The following MAN2C1 variants were observed in gnomAD, a reference collection of about 807,000 sequenced individuals.
The protein encoded by MAN2C1 is alpha-mannosidase 2C1.
Under a neutral mutation model 126.9 loss-of-function variants are expected in MAN2C1, and 111 were observed. That is an observed-to-expected ratio of 0.87 (90% CI 0.75 to 1.02). MAN2C1 has a LOEUF of 1.02. Ranked by LOEUF, MAN2C1 falls within the 50% of genes least tolerant of loss-of-function variation. The pLI, the probability that MAN2C1 is intolerant of heterozygous loss-of-function variation, is 0.00. For synonymous variants in MAN2C1, 567 were observed against 561.5 expected (o/e 1.01, Z -0.14); for missense variants, 1,363 against 1,364.4 (o/e 1.00, Z 0.02).
In MAN2C1 at chr15:75,355,995, A is replaced by T. The variant is rs760490250; in HGVS notation, c.3034T>A (p.Leu1012Met). ...LLERPDPAGHLTLRDNRLKLT... is the reference protein window; with the variant it reads ...LLERPDPAGHMTLRDNRLKLT... ...TTCAGGCGGTTGTCCCGAAGGGTCAAGTGGCCAGCAGGGTCTGGTCGCTCC... is the reference window on the plus strand; with the variant it reads ...TTCAGGCGGTTGTCCCGAAGGGTCATGTGGCCAGCAGGGTCTGGTCGCTCC... The change falls in exon 26 of 26, where the codon TTG becomes ATG. Residue 1012 changes from leucine to methionine, a missense_variant. This residue lies in a region of MAN2C1 where 668 missense variants were observed against 650.1 expected (regional missense o/e 1.03). Transcript: ENST00000267978. 17 of 1,614,102 alleles carry T rather than the reference A, an allele frequency of 1.1e-5. No homozygotes were observed. Among genetic ancestry groups the T allele is most frequent in the Middle Eastern group, 1.6e-4 (1 of 6,062 alleles).
chr15:75,362,420 G>C lies in MAN2C1; in HGVS notation c.931C>G (p.Pro311Ala). 6.2e-7 allele frequency: 1 copy of C among 1,613,676 alleles called. No homozygotes were observed. Among genetic ancestry groups the C allele is most frequent in the Non-Finnish European group, 8.5e-7 (1 of 1,179,990 alleles). ...QQLEWVKSRY[P>A]GLYSRIQEFA... is the part of the protein sequence containing the mutation. ...TCCTGGATGCGGGAGTACAGGCCAG[G>C]GTAGCGGCTCTTCACCCATTCCAGC... The change falls in exon 8 of 26, where the codon CCT (proline) becomes GCT (alanine). Residue 311 changes from proline to alanine, a missense_variant. Around this residue, in one of 3 missense-constraint regions of MAN2C1, gnomAD observed 628 missense variants for 609.8 expected, o/e 1.03. Transcript: ENST00000267978. The surrounding 1 kb of genome is among the most constrained non-coding windows in gnomAD (Gnocchi z 4.5).
At chr15:75,359,220 A>T in intron 17 of MAN2C1, 67 bp from the exon 18 acceptor site, 2 of 1,425,988 alleles carry the variant, frequency 1.4e-6, no homozygotes, top group South Asian at 2.3e-5. Flanking sequence ...TTCCCACCCC[A>T]ACCCCAGCCC....
chr15:75,368,557 G>C lies in MAN2C1; in HGVS notation c.27C>G (p.His9Gln), dbSNP rs1328244785. 15 of 1,551,004 alleles carry C rather than the reference G, an allele frequency of 9.7e-6. No homozygotes were observed. The East Asian group carries it at 3.2e-4, about 33-fold the overall frequency. Residue 9 changes from histidine (H) to glutamine (Q), a missense_variant, in exon 1 of 26, where the codon CAC becomes CAG. Physicochemically the swap from His to Gln is conservative, Grantham distance 24 (BLOSUM62 0). Transcript: ENST00000267978. ...CCACCCGCTCCAGCGTGGTGCGCCA[G>C]TGCTTCAAGGCCGGCGCAGCCGCCA... MAAAPALK[H>Q]WRTTLERVEK...
chr15:75,362,085 C>T lies in MAN2C1; in HGVS notation c.1009-138G>A. On this transcript the variant is annotated intron_variant, in intron 8 of 25. Transcript: ENST00000267978. This position sits in a 1 kb window ranked among gnomAD's most constrained non-coding sequence, Gnocchi z 4.5. ...GTTACAGCCAGAACTCAGGAAGGGCCCCTGTCCTTCAGGCCTGACTGTCCA... is the reference window on the plus strand; with the variant it reads ...GTTACAGCCAGAACTCAGGAAGGGCTCCTGTCCTTCAGGCCTGACTGTCCA... The T allele has an allele frequency of 1.4e-6, 1 of 723,406 alleles. No homozygotes were observed. The highest frequency in any genetic ancestry group is 1.7e-5 in the African/African-American group (1 of 57,292). 44.8% of individuals were successfully genotyped at this position (723,406 alleles called of 1,614,324 possible).
rs1450812969 is a variant in MAN2C1 at position 75,366,545 on chromosome 15, C to T, written c.399G>A (p.Arg133=). ...ACCTTCGGGGGTCTCTTTCCCCCAGCCTGTCAGTCAGGACATAGCTGGTCT... is the reference window on the plus strand; with the variant it reads ...ACCTTCGGGGGTCTCTTTCCCCCAGTCTGTCAGTCAGGACATAGCTGGTCT... ...GEKTSYVLTD[R]LGERDPRSLT... Residue 133 remains arginine, a synonymous_variant, in exon 4 of 26, where the codon AGG becomes AGA. Coordinates refer to ENST00000267978, the MANE Select transcript of MAN2C1 (RefSeq NM_006715.4). 1.2e-6 allele frequency: 2 copies of T among 1,613,624 alleles called. No homozygotes were observed. The highest frequency in any genetic ancestry group is 2.2e-5 in the South Asian group (2 of 90,940).
chr15:75,364,895 C>A (rs905688028), intron 4 of MAN2C1, among the ~76,000 whole-genome samples: 1 of 152,234 alleles, frequency 6.6e-6, no homozygotes, highest in Non-Finnish European at 1.5e-5. Context: ...AAGTTTGGAA[C>A]CATGTAAAGT....
At chr15:75,363,207 T>C (rs2072510187) in intron 6 of MAN2C1, 1 of 456,532 alleles carries the variant, frequency 2.2e-6, no homozygotes, top group Non-Finnish European at 4.4e-6. Flanking sequence ...TCTCACACCT[T>C]ACCCTACATC....
In MAN2C1 at chr15:75,364,477, G is replaced by T. The variant is rs373346692; in HGVS notation, c.600+11C>A. 5 of 1,570,928 alleles carry T rather than the reference G, an allele frequency of 3.2e-6. No individual in the cohort carries two copies. The highest frequency in any genetic ancestry group is 1.4e-5 in the African/African-American group (1 of 73,870). ...TAGAGGGTAGCAGGGGGTACAGGGG[G>T]TGTCAAGTACCTTGGCTATGCCCAG... On this transcript the variant is annotated intron_variant, in intron 5 of 25. Coordinates refer to ENST00000267978, the MANE Select transcript of MAN2C1 (RefSeq NM_006715.4).
chr15:75,361,764 G>A lies in MAN2C1; in HGVS notation c.1102-44C>T, dbSNP rs1465257217. 3.8e-6 allele frequency: 6 copies of A among 1,595,644 alleles called. No individual in the cohort carries two copies. Among genetic ancestry groups the A allele is most frequent in the Non-Finnish European group, 4.3e-6 (5 of 1,163,500 alleles). On this transcript the variant is annotated intron_variant, in intron 9 of 25. Coordinates refer to ENST00000267978, the MANE Select transcript of MAN2C1 (RefSeq NM_006715.4). The surrounding 1 kb of genome is among the most constrained non-coding windows in gnomAD (Gnocchi z 5.0). ...CTGGAGTGCAGGAACCAGAGCTCCAGGCGGACTCACCCCAGCCTCAGCCCC... is the reference window on the plus strand; with the variant it reads ...CTGGAGTGCAGGAACCAGAGCTCCAAGCGGACTCACCCCAGCCTCAGCCCC...
At chr15:75,364,345 T>A (rs537172793) in intron 5 of MAN2C1, 143 bp downstream of exon 5, 4 of 1,251,160 alleles carry the variant, frequency 3.2e-6, no homozygotes, top group East Asian at 2.6e-5. Flanking sequence ...CCCCTTCACA[T>A]AGGAAAATTC....
In MAN2C1 at chr15:75,362,779, G is replaced by A; in HGVS notation, c.791-31C>T. The A allele has an allele frequency of 2.5e-6, 4 of 1,590,910 alleles. No individual in the cohort carries two copies. Among genetic ancestry groups the A allele is most frequent in the Non-Finnish European group, 3.4e-6 (4 of 1,159,696 alleles). On this transcript the variant is annotated intron_variant, in intron 6 of 25. Coordinates refer to ENST00000267978, the MANE Select transcript of MAN2C1 (RefSeq NM_006715.4). This position sits in a 1 kb window ranked among gnomAD's most constrained non-coding sequence, Gnocchi z 4.5. ...CGGGGAGTGAGGTGGAGGACAGAGG[G>A]AGCAGCAAGGCTGACCAGGCCTGGG...
At chr15:75,365,244 C>T (rs762240799) in intron 4 of MAN2C1, among the ~76,000 whole-genome samples, 1 of 152,216 alleles carries the variant, frequency 6.6e-6, no homozygotes, top group Non-Finnish European at 1.5e-5. Context: ...GTGAATCTGT[C>T]TCCCTTTGTT....
rs1272148964 is a variant in MAN2C1 at position 75,364,610 on chromosome 15, T to C, written c.478A>G (p.Ser160Gly). 1 of 1,613,622 alleles carries C rather than the reference T, an allele frequency of 6.2e-7. No individual in the cohort carries two copies. Among genetic ancestry groups the C allele is most frequent in the Non-Finnish European group, 8.5e-7 (1 of 1,179,816 alleles). ...CNGLLGAGKG[S>G]MIAAPDPEKM... ...TCAGGGTCAGGGGCTGCAATCATGC[T>C]TCCCTTCCCGGCCCCCAGGAGCCCA... Residue 160 changes from serine (S) to glycine (G), a missense_variant, in exon 5 of 26, where the codon AGC becomes GGC. Around this residue, in one of 3 missense-constraint regions of MAN2C1, gnomAD observed 628 missense variants for 609.8 expected, o/e 1.03. Coordinates refer to ENST00000267978, the MANE Select transcript of MAN2C1 (RefSeq NM_006715.4).
chr15:75,361,179 C>T lies in MAN2C1; in HGVS notation c.1327G>A (p.Val443Met), dbSNP rs374112584. 5.4e-5 allele frequency: 87 copies of T among 1,612,668 alleles called. No homozygotes were observed. In the African/African-American group the frequency reaches 5.9e-4, roughly 11 times the overall value. ...CGCCCCTTGTCCCGGTTGTTGGCCA[C>T]GGTCTTCAGCACCTAGACAGGTGAG... The part of the protein sequence containing the change: ...QGSVEEVLKT[V>M]ANNRDKGRAN... The change falls in exon 12 of 26, where the codon GTG becomes ATG. Residue 443 changes from valine to methionine, a missense_variant. Transcript: ENST00000267978. This position sits in a 1 kb window ranked among gnomAD's most constrained non-coding sequence, Gnocchi z 5.0.
At chr15:75,357,915 G>A (rs1312565247) in intron 21 of MAN2C1, 8 of 354,082 alleles carry the variant, frequency 2.3e-5, no homozygotes, top group East Asian at 1.2e-4. Flanking sequence ...CACCACGCCC[G>A]GCCCAATTTT....
At chr15:75,367,456 A>G in intron 3 of MAN2C1, 55 bp downstream of exon 3, 11 of 1,594,484 alleles carry the variant, frequency 6.9e-6, no homozygotes, top group Non-Finnish European at 9.4e-6. Context: ...GAAGGGCTGT[A>G]GTCATTTCAG....
At position 75,358,480 on chromosome 15, in the gene MAN2C1, A is replaced by G. The variant is rs758609349; in HGVS notation, c.2385T>C (p.Tyr795=). Residue 795 remains tyrosine, a synonymous_variant, in exon 20 of 26, where the codon TAT becomes TAC. Transcript: ENST00000267978. ...CGACTACCTCGGTGTGGAAGCGGAC[A>G]TAGGGGCAGCCAACGTCCAGCACAA... The part of the protein sequence containing the change: ...QEVVLDVGCP[Y]VRFHTEVHWH... 6.2e-6 allele frequency: 10 copies of G among 1,613,582 alleles called. No individual in the cohort carries two copies. Among genetic ancestry groups the G allele is most frequent in the East Asian group, 4.5e-5 (2 of 44,874 alleles).
At position 75,364,324 on chromosome 15, in the gene MAN2C1, G is replaced by A. The variant is rs75700351; in HGVS notation, c.601-136C>T. On this transcript the variant is annotated intron_variant, in intron 5 of 25. Coordinates refer to ENST00000267978, the MANE Select transcript of MAN2C1 (RefSeq NM_006715.4). Reference sequence around the variant, plus strand: ...CCTGCTGGTCCCCCTGCTCAGCACCGTCTCCCTCCTCCCCTTCACATAGGA... The same window carrying A: ...CCTGCTGGTCCCCCTGCTCAGCACCATCTCCCTCCTCCCCTTCACATAGGA... The A allele has an allele frequency of 1.7e-3, 2,109 of 1,241,700 alleles. 55 individuals carry two copies. The East Asian group carries it at 0.047, about 28-fold the overall frequency. The allele number at this position is 1,241,700 out of a possible 1,614,324, so 76.9% of individuals were successfully genotyped here.
chr15:75,355,892 C>T lies in MAN2C1; in HGVS notation c.*14G>A. The T allele has an allele frequency of 6.2e-7, 1 of 1,614,040 alleles. No individual in the cohort carries two copies. The highest frequency in any genetic ancestry group is 1.1e-5 in the South Asian group (1 of 91,054). On this transcript the variant is annotated 3_prime_UTR_variant, in exon 26 of 26. Transcript: ENST00000267978. ...CCCAGAGCCTTCTACAAACAAAACC[C>T]CAGCCCCAGGGACTCAGTGTGGCGG...
Sources: allele counts gnomAD v4.1 joint callset (sites outside exome capture counted in the v4.1 genomes callset), GRCh38; gene constraint gnomAD v4.1.1; regional missense constraint gnomAD v4.1.1; non-coding constraint Gnocchi (gnomAD v3.1); transcripts MANE v1.5; gene names NCBI Gene and HGNC (gene_info 2026-07-23, HGNC 2026-07-21).